Variants in DDHD1 observed in about 807,000 individuals in gnomAD.
DDHD1 encodes DDHD domain containing 1.
Under a neutral mutation model 96.4 loss-of-function variants are expected in DDHD1, and 49 were observed. That is an observed-to-expected ratio of 0.51 (90% CI 0.40 to 0.64). The LOEUF is 0.64. Ranked by LOEUF, DDHD1 falls within the 30% of genes least tolerant of loss-of-function variation. The pLI, the probability that DDHD1 is intolerant of heterozygous loss-of-function variation, is 0.00. For synonymous variants in DDHD1, 442 were observed against 446.5 expected, an observed-to-expected ratio of 0.99 and a Z score of 0.13; for missense variants, 1,106 against 1,161.2, an observed-to-expected ratio of 0.95 and a Z score of 0.69.
intron 12 of DDHD1, among the ~76,000 whole-genome samples, chr14:53,050,022 A>G (rs1882397569): frequency 6.6e-6 from 1 of 152,188 alleles, no homozygotes; most frequent in African/African-American, 2.4e-5. Flanking sequence ...TCTTTTGTGC[A>G]CAAGGCTTGT....
intron 1 of DDHD1, among the ~76,000 whole-genome samples, chr14:53,132,644 TGCTGTTACATGG>T (rs1889958496): frequency 6.6e-6 from 1 of 152,182 alleles, no homozygotes; most frequent in East Asian, 1.9e-4. Flanking sequence ...TGCACCACCA[TGCTGTTACATGG>T]GCAGAAAGAG....
At chr14:53,048,569 G>A (rs1364620756) in intron 12 of DDHD1, 1 of 152,094 alleles carries the variant, frequency 6.6e-6, no homozygotes, top group African/African-American at 2.4e-5. Flanking sequence ...TGAAACTCCT[G>A]ACCTTGTGAT....
chr14:53,124,971 G>A (rs923476047), intron 1 of DDHD1, among the ~76,000 whole-genome samples: 3 of 151,734 alleles, frequency 2.0e-5, no homozygotes, highest in South Asian at 2.1e-4. Flanking sequence ...TTTCCTCTGC[G>A]TGTGTGGGTG....
rs201393353 is a variant in DDHD1, at chr14:53,063,182, C to T, written c.1527G>A (p.Glu509=). ...AGAAAAGGGAATACAATCGATTCAG[C>T]TCTTGCTGAAGGCCTTTAACTAGCT... The part of the protein sequence containing the change: ...RDELVKGLQQ[E]LNRLYSLFCS... Residue 509 remains glutamate (E), a synonymous_variant, in exon 7 of 13, where the codon GAG becomes GAA. Transcript: ENST00000673822. 2.1e-4 allele frequency: 338 copies of T among 1,613,750 alleles called. 1 individual carries two copies. Among genetic ancestry groups the T allele is most frequent in the Middle Eastern group, 1.6e-4 (1 of 6,062 alleles).
At position 53,062,946 on chromosome 14, in the gene DDHD1, C is replaced by CGT; in HGVS notation, c.1761_1762dup (p.Arg588HisfsTer4). ...TCAAAAGATGAGGATATTTTACCGT[C>CGT]GTTTAGTTATATAGAGTTCATCAAG... On this transcript the variant is annotated frameshift_variant, in exon 7 of 13. Transcript: ENST00000673822. LOFTEE classifies it high-confidence loss of function. 1 of 1,609,788 alleles carries CGT rather than the reference C, an allele frequency of 6.2e-7. No homozygotes were observed. Among genetic ancestry groups the CGT allele is most frequent in the African/African-American group, 1.3e-5 (1 of 74,958 alleles).
At chr14:53,127,071 G>A (rs1328402018) in intron 1 of DDHD1, among the ~76,000 whole-genome samples, 4 of 152,138 alleles carry the variant, frequency 2.6e-5, no homozygotes, top group Admixed American at 1.3e-4. Flanking sequence ...AGATGTAAAC[G>A]CTTGAACATA....
chr14:53,096,278 C>G, intron 2 of DDHD1: 2 of 736,762 alleles, frequency 2.7e-6, no homozygotes, highest in Middle Eastern at 7.1e-4. Flanking sequence ...GCCATTTTGC[C>G]TTTTTGTTCT....
chr14:53,074,324 T>G (rs1884772350), intron 4 of DDHD1, among the ~76,000 whole-genome samples: 1 of 151,838 alleles, frequency 6.6e-6, no homozygotes, highest in Admixed American at 6.6e-5. Context: ...CATGTGCAGA[T>G]TTGTGATTAG....
At chr14:53,117,408 G>C (rs1480359688) in intron 1 of DDHD1, among the ~76,000 whole-genome samples, 1 of 152,200 alleles carries the variant, frequency 6.6e-6, no homozygotes, top group Non-Finnish European at 1.5e-5. Context: ...AGCTGTGACA[G>C]ACTGTACCTG....
rs1435568611 is a variant in DDHD1 at position 53,039,740 on chromosome 14, G to C, written c.*7028C>G. The C allele has an allele frequency of 6.6e-6, 1 of 152,554 alleles. No homozygotes were observed. Among genetic ancestry groups the C allele is most frequent in the African/African-American group, 2.4e-5 (1 of 41,438 alleles). 9.5% of individuals were successfully genotyped at this position (152,554 alleles called of 1,614,324 possible). A position where few individuals can be genotyped will look rare whatever the true frequency, so the allele number is the denominator to read the frequency against. ...GTGGAGAAGCAGGCAGGAGAGTCAG[G>C]TTGGGCAGGCTGTGGGGAGCCTTGA... On this transcript the variant is annotated 3_prime_UTR_variant, in exon 13 of 13. Coordinates refer to ENST00000673822, the MANE Select transcript of DDHD1 (RefSeq NM_001160148.2).
At chr14:53,078,249 G>C (rs141415656) in intron 4 of DDHD1, among the ~76,000 whole-genome samples, 18 of 152,164 alleles carry the variant, frequency 1.2e-4, no homozygotes, top group East Asian at 1.9e-4. Flanking sequence ...AACATGTAAG[G>C]GTTGTGATTT....
Position 53,091,780 on chromosome 14 carries a change from C to T in DDHD1, c.1289+5G>A. 1 of 1,612,416 alleles carries T rather than the reference C, an allele frequency of 6.2e-7. No homozygotes were observed. Among genetic ancestry groups the T allele is most frequent in the South Asian group, 1.1e-5 (1 of 90,848 alleles). On this transcript the variant is annotated splice_donor_5th_base_variant and intron_variant, in intron 4 of 12. Coordinates refer to ENST00000673822, the MANE Select transcript of DDHD1 (RefSeq NM_001160148.2). ...GATATACAATGCATTCATCAAAGAA[C>T]TTACATAGCTGTATTTTTGATAATT... is the stretch of plus-strand genomic sequence containing the variant.
intron 8 of DDHD1, among the ~76,000 whole-genome samples, chr14:53,059,863 C>CAAAA (rs60708379): frequency 1.1e-4 from 2 of 18,508 alleles, no homozygotes; most frequent in African/African-American, 1.5e-4. Flanking sequence ...GACTCTGTCT[C>CAAAA]AAAAAAAAAA....
intron 4 of DDHD1, among the ~76,000 whole-genome samples, chr14:53,082,442 CT>C (rs35059788): frequency 0.23 from 28,595 of 121,816 alleles, 3,812 homozygotes; most frequent in African/African-American, 0.38. Context: ...TCCAAGATAC[CT>C]TTTTTTTTTT....
chr14:53,075,016 G>A (rs1237465999), intron 4 of DDHD1, among the ~76,000 whole-genome samples: 1 of 152,068 alleles, frequency 6.6e-6, no homozygotes, highest in Admixed American at 6.6e-5. Context: ...CCACTGACTG[G>A]CTATTCCCCA....
At chr14:53,055,541 T>G in intron 10 of DDHD1, 119 bp downstream of exon 10, 1 of 1,009,540 alleles carries the variant, frequency 9.9e-7, no homozygotes, top group Non-Finnish European at 1.5e-6. Context: ...GGTAGTTAAT[T>G]CTAGACACAG....
rs1034640408 is a variant in DDHD1, at chr14:53,046,653, T to C, written c.*115A>G. On this transcript the variant is annotated 3_prime_UTR_variant, in exon 13 of 13. Transcript: ENST00000673822. ...AGTGCTTTTAAATTCAAATATATGTTGCCCTAAAGAAAACTGAAATATACT... is the reference window on the plus strand; with the variant it reads ...AGTGCTTTTAAATTCAAATATATGTCGCCCTAAAGAAAACTGAAATATACT... The C allele has an allele frequency of 1.6e-6, 1 of 606,290 alleles. No individual in the cohort carries two copies. Among genetic ancestry groups the C allele is most frequent in the African/African-American group, 1.9e-5 (1 of 51,968 alleles). The allele number at this position is 606,290 out of a possible 1,614,324, so 37.6% of individuals were successfully genotyped here.
chr14:53,077,214 A>G (rs890801142), intron 4 of DDHD1, among the ~76,000 whole-genome samples: 1 of 152,188 alleles, frequency 6.6e-6, no homozygotes, highest in Non-Finnish European at 1.5e-5. Flanking sequence ...CCATATGTAC[A>G]TAGGTACACA....
At chr14:53,076,675 G>A (rs1013668543) in intron 4 of DDHD1, among the ~76,000 whole-genome samples, 6 of 152,102 alleles carry the variant, frequency 3.9e-5, no homozygotes, top group African/African-American at 9.7e-5. Flanking sequence ...AGAATCAATC[G>A]ATGTGGCTAA....
Sources: gnomAD v4.1 joint callset for allele counts (sites outside exome capture counted in the v4.1 genomes callset) on GRCh38, gnomAD v4.1.1 for gene constraint, MANE v1.5 for transcripts, NCBI Gene and HGNC (gene_info 2026-07-23, HGNC 2026-07-21) for gene names.